GRIN2A: variants seen among roughly 807,000 people sequenced by gnomAD.
GRIN2A encodes the protein glutamate ionotropic receptor NMDA type subunit 2A.
In GRIN2A, 22 loss-of-function variants were observed where a neutral mutation model predicts 113.4. The ratio of observed to expected loss-of-function variants is 0.19; its 90% CI spans 0.14 to 0.28. GRIN2A has a LOEUF of 0.28. GRIN2A is among the 10% of genes least tolerant of loss of function. GRIN2A has a pLI of 1.00. For synonymous variants in GRIN2A, 827 were observed against 738.4 expected, an observed-to-expected ratio of 1.12 and a Z score of -1.94; for missense variants, 1,502 against 1,887.0, an observed-to-expected ratio of 0.80 and a Z score of 3.78.
At chr16:10,153,288 A>G (rs931670189) in intron 2 of GRIN2A, among the ~76,000 whole-genome samples, 3 of 152,130 alleles carry the variant, frequency 2.0e-5, no homozygotes, top group African/African-American at 7.2e-5. Flanking sequence ...AGTCTGAAAA[A>G]TGCTGCATAG....
chr16:9,961,933 A>G (rs1435949598), intron 2 of GRIN2A, among the ~76,000 whole-genome samples: 1 of 152,028 alleles, frequency 6.6e-6, no homozygotes, highest in Non-Finnish European at 1.5e-5. Context: ...AACAGAACAG[A>G]ACAGAGCCCT....
chr16:9,991,754 C>T (rs970342522), intron 2 of GRIN2A, among the ~76,000 whole-genome samples: 1 of 152,152 alleles, frequency 6.6e-6, no homozygotes, highest in African/African-American at 2.4e-5. Context: ...TTCGCAGAGA[C>T]ATGGATGAAG....
Position 9,758,947 on chromosome 16 carries a change from C to T in GRIN2A, c.*4202G>A. 4.5e-6 allele frequency: 1 copy of T among 221,816 alleles called. No individual in the cohort carries two copies. 13.7% of individuals were successfully genotyped at this position (221,816 alleles called of 1,614,324 possible). On this transcript the variant is annotated 3_prime_UTR_variant, in exon 13 of 13. Coordinates refer to ENST00000330684, the MANE Select transcript of GRIN2A (RefSeq NM_001134407.3). ...TTCACTCATTAAATATCAAGCAACA[C>T]ATTTAGCTTCCACCTACTCAAACTT...
intron 3 of GRIN2A, among the ~76,000 whole-genome samples, chr16:9,892,802 A>C (rs2043721522): frequency 6.6e-6 from 1 of 152,124 alleles, no homozygotes; most frequent in Non-Finnish European, 1.5e-5. Flanking sequence ...CATCTGAGAC[A>C]ACATGGTGGT....
chr16:10,155,859 C>G (rs1239349518), intron 2 of GRIN2A, among the ~76,000 whole-genome samples: 1 of 152,166 alleles, frequency 6.6e-6, no homozygotes, highest in African/African-American at 2.4e-5. Flanking sequence ...GACCTGCCCC[C>G]ATGATTCAAT....
intron 2 of GRIN2A, among the ~76,000 whole-genome samples, chr16:10,172,178 C>T (rs980639414): frequency 6.6e-6 from 1 of 152,232 alleles, no homozygotes; most frequent in African/African-American, 2.4e-5. Context: ...GAGGTTCAGA[C>T]AGGTGAAGGG....
rs150329676 is a variant in GRIN2A, at chr16:9,880,449, A to G, written c.1122+10537T>C. On this transcript the variant is annotated intron_variant, in intron 4 of 12. Coordinates refer to ENST00000330684, the MANE Select transcript of GRIN2A (RefSeq NM_001134407.3). ...ACCTAATAGCTGCACAAAACTTTCT[A>G]CTTTTAAAGGGGTCATGTGATTGGG... Among the ~76,000 whole-genome samples, 311 of 152,192 alleles carry G rather than the reference A, an allele frequency of 2.0e-3. 2 individuals carry two copies. Among genetic ancestry groups the G allele is most frequent in the African/African-American group, 7.0e-3 (289 of 41,520 alleles).
chr16:9,774,241 C>G (rs1312845306), intron 11 of GRIN2A, among the ~76,000 whole-genome samples: 1 of 152,222 alleles, frequency 6.6e-6, no homozygotes, highest in Non-Finnish European at 1.5e-5. Flanking sequence ...GAAAATTCAA[C>G]TAGATACTGT....
intron 2 of GRIN2A, among the ~76,000 whole-genome samples, chr16:9,971,103 A>G (rs2045661228): frequency 6.6e-6 from 1 of 152,200 alleles, no homozygotes; most frequent in South Asian, 2.1e-4. Context: ...AAGAGCAGAC[A>G]GTATGAGGTG....
intron 2 of GRIN2A, among the ~76,000 whole-genome samples, chr16:10,073,920 C>CA (rs371987747): frequency 0.73 from 94,850 of 130,214 alleles, 33,274 homozygotes; most frequent in East Asian, 0.92. Flanking sequence ...ACCCCCGTCA[C>CA]AAAAAAAAAA....
chr16:10,155,073 A>T (rs972980868), intron 2 of GRIN2A, among the ~76,000 whole-genome samples: 16 of 152,182 alleles, frequency 1.1e-4, no homozygotes, highest in Non-Finnish European at 1.6e-4. Context: ...GGATCCCATG[A>T]TGTACAGCAT....
chr16:9,882,767 G>A (rs1341939535), intron 4 of GRIN2A, among the ~76,000 whole-genome samples: 1 of 152,180 alleles, frequency 6.6e-6, no homozygotes, highest in African/African-American at 2.4e-5. Flanking sequence ...CCTGGTAACA[G>A]AGTGAGACCA....
intron 3 of GRIN2A, among the ~76,000 whole-genome samples, chr16:9,902,279 T>C (rs920952053): frequency 6.6e-6 from 1 of 152,214 alleles, no homozygotes; most frequent in Non-Finnish European, 1.5e-5. Flanking sequence ...TTATAGGAAG[T>C]ACTGTAAAAG....
rs2048614841 is a variant in GRIN2A at position 10,111,561 on chromosome 16, G to A, written c.414+68437C>T. 7 of 823,412 alleles carry A rather than the reference G, an allele frequency of 8.5e-6. No homozygotes were observed. The Admixed American group carries it at 8.5e-5, about 10-fold the overall frequency. 51.0% of individuals were successfully genotyped at this position (823,412 alleles called of 1,614,324 possible). On this transcript the variant is annotated intron_variant, in intron 2 of 12. Coordinates refer to ENST00000330684, the MANE Select transcript of GRIN2A (RefSeq NM_001134407.3). ...CTTCAGCCCTGACCCGGAAGATCAT[G>A]CTGAAGACACCACTGATCTCTTCCC... is the stretch of plus-strand genomic sequence containing the variant.
Position 10,165,146 on chromosome 16 carries a change from TTGGGGAAAATCTAAATTATCA to T in GRIN2A, c.414+14831_414+14851del, listed in dbSNP as rs2049885991. On this transcript the variant is annotated intron_variant, in intron 2 of 12. Coordinates refer to ENST00000330684, the MANE Select transcript of GRIN2A (RefSeq NM_001134407.3). ...AGGTATTGGTTTTCATGGCAAAAAA[TTGGGGAAAATCTAAATTATCA>T]AGTAAATCATGAGATATCCACAGAA... Among the ~76,000 whole-genome samples, 13 of 152,232 alleles carry T rather than the reference TTGGGGAAAATCTAAATTATCA, an allele frequency of 8.5e-5. No individual in the cohort carries two copies. In the South Asian group the frequency reaches 2.7e-3, roughly 32 times the overall value.
intron 2 of GRIN2A, among the ~76,000 whole-genome samples, chr16:9,955,274 G>A (rs1431626746): frequency 6.6e-6 from 1 of 152,134 alleles, no homozygotes; most frequent in African/African-American, 2.4e-5. Flanking sequence ...CTCTCTGGAT[G>A]CAATGACCTC....
chr16:10,108,515 C>T (rs2048541413), intron 2 of GRIN2A, among the ~76,000 whole-genome samples: 1 of 152,150 alleles, frequency 6.6e-6, no homozygotes, highest in African/African-American at 2.4e-5. Flanking sequence ...GGTAACAGAG[C>T]CAGAACTCAA....
At chr16:10,040,118 CACACT>C (rs2047132079) in intron 2 of GRIN2A, among the ~76,000 whole-genome samples, 1 of 47,306 alleles carries the variant, frequency 2.1e-5, no homozygotes. Context: ...CCACACCGCA[CACACT>C]ACACACATTC....
chr16:9,856,260 C>T (rs906020291), intron 4 of GRIN2A, among the ~76,000 whole-genome samples: 3 of 152,144 alleles, frequency 2.0e-5, no homozygotes, highest in African/African-American at 7.2e-5. Context: ...CTCTAGAGCA[C>T]AGCTTAATCA....
Sources: gnomAD v4.1 joint callset for allele counts (sites outside exome capture counted in the v4.1 genomes callset) on GRCh38, gnomAD v4.1.1 for gene constraint, MANE v1.5 for transcripts, NCBI Gene and HGNC (gene_info 2026-07-23, HGNC 2026-07-21) for gene names.